CIT: variants seen among roughly 807,000 people sequenced by gnomAD.
The protein encoded by CIT is citron rho-interacting serine/threonine kinase.
A neutral mutation model predicts 272.7 loss-of-function variants in CIT; 79 were observed. That is an observed-to-expected ratio of 0.29 (90% CI 0.24 to 0.35). CIT has a LOEUF of 0.35. CIT is among the 10% of genes least tolerant of loss of function. The pLI, the probability that CIT is intolerant of heterozygous loss-of-function variation, is 1.00. For missense variants in CIT, 1,909 were observed against 2,618.3 expected (o/e 0.73, Z 5.91); for synonymous variants, 948 against 995.6 (o/e 0.95, Z 0.90).
At position 119,849,118 on chromosome 12, in the gene CIT, G is replaced by T. The variant is rs1024743283; in HGVS notation, c.516+1056C>A. Among the ~76,000 whole-genome samples the T allele has an allele frequency of 2.0e-5, 3 of 152,114 alleles. No homozygotes were observed. The East Asian group carries it at 5.8e-4, about 29-fold the overall frequency. On this transcript the variant is annotated intron_variant, in intron 5 of 47. Transcript: ENST00000392521. ...ACCATTTAACATTTCTTCCCCTAGG[G>T]AGGAGGATTAGAAAATAAAACGGAG...
intron 4 of CIT, among the ~76,000 whole-genome samples, chr12:119,851,348 A>C (rs1160001262): frequency 6.6e-6 from 1 of 152,196 alleles, no homozygotes; most frequent in Non-Finnish European, 1.5e-5. Context: ...CTGTCCACTG[A>C]AAGGGGTCTG....
intron 22 of CIT, 38 bp downstream of exon 22, chr12:119,757,333 C>T: frequency 6.2e-7 from 1 of 1,610,012 alleles, no homozygotes; most frequent in African/African-American, 1.3e-5. Context: ...CCCGAATCGC[C>T]CAGCAAATCC....
intron 5 of CIT, among the ~76,000 whole-genome samples, chr12:119,843,936 A>T (rs59467668): frequency 2.0e-5 from 3 of 152,126 alleles, no homozygotes; most frequent in Non-Finnish European, 4.4e-5. Flanking sequence ...TACCGATATA[A>T]ATCTAGGATC....
In CIT at chr12:119,710,354, G is replaced by A. The variant is rs376867257; in HGVS notation, c.4968C>T (p.Tyr1656=). Residue 1656 remains tyrosine (Y), a synonymous_variant, in exon 39 of 48, where the codon TAC becomes TAT. Transcript: ENST00000392521. This position sits in a 1 kb window ranked among gnomAD's most constrained non-coding sequence, Gnocchi z 5.6. ...GGGAGTTTTTCAAGACATTCAGGGC[G>A]TAGAGCCCTTCCTCGGTGCCCACCA... ...VVLVGTEEGL[Y]ALNVLKNSLT... The A allele has an allele frequency of 1.8e-5, 29 of 1,614,206 alleles. No individual in the cohort carries two copies. In the South Asian group the frequency reaches 2.0e-4, roughly 11 times the overall value.
chr12:119,742,513 T>C (rs1341047623), intron 23 of CIT, 49 bp from the exon 24 acceptor site: 1 of 1,410,290 alleles, frequency 7.1e-7, no homozygotes, highest in East Asian at 2.3e-5. Context: ...TAGAATACAA[T>C]TCTACATGCT....
chr12:119,708,239 G>A lies in CIT; in HGVS notation c.5151C>T (p.Pro1717=), dbSNP rs748717608. 1.1e-5 allele frequency: 17 copies of A among 1,607,156 alleles called. No homozygotes were observed. Among genetic ancestry groups the A allele is most frequent in the East Asian group, 4.5e-5 (2 of 44,196 alleles). ...CTTCAAAAATGTTGGGTGAGATGTC[G>A]GGCTGGGCAGGCAGGTGGGACTGGG... The part of the protein sequence containing the change: ...SLAQSHLPAQ[P]DISPNIFEAV... Residue 1717 remains proline, a synonymous_variant, in exon 40 of 48, where the codon CCC becomes CCT. Transcript: ENST00000392521.
chr12:119,734,270 C>G lies in CIT; in HGVS notation c.3244G>C (p.Glu1082Gln), dbSNP rs1397945347. The G allele has an allele frequency of 6.2e-7, 1 of 1,613,986 alleles. No homozygotes were observed. The highest frequency in any genetic ancestry group is 1.1e-5 in the South Asian group (1 of 91,068). ...CTCCTCCAGGCCTCCCACTGCCGCT[C>G]TTTTTCTAGCAGCTCATCGTTTAGG... ...EALNDELLEK[E>Q]RQWEAWRSVL... is the part of the protein sequence containing the mutation. Residue 1082 changes from glutamate (E) to glutamine (Q), a missense_variant, in exon 26 of 48, where the codon GAG becomes CAG. Coordinates refer to ENST00000392521, the MANE Select transcript of CIT (RefSeq NM_001206999.2).
rs1276751319 is a variant in CIT, at chr12:119,784,873, C to T, written c.1401+87G>A. The T allele has an allele frequency of 4.6e-6, 7 of 1,534,038 alleles. No homozygotes were observed. The Admixed American group carries it at 1.2e-4, about 27-fold the overall frequency. On this transcript the variant is annotated intron_variant, in intron 11 of 47. Transcript: ENST00000392521. The surrounding 1 kb of genome is among the most constrained non-coding windows in gnomAD (Gnocchi z 4.7). ...TCTCTACGGATCAGGCGGCTCAGAG[C>T]CAGCAGCGGCCCCGGGCGGATCCCT...
Position 119,712,132 on chromosome 12 carries a change from AG to A in CIT, c.4854+45del. The A allele has an allele frequency of 6.5e-7, 1 of 1,531,606 alleles. No individual in the cohort carries two copies. The highest frequency in any genetic ancestry group is 8.8e-7 in the Non-Finnish European group (1 of 1,140,028). The allele number at this position is 1,531,606 out of a possible 1,614,324, so 94.9% of individuals were successfully genotyped here. A position where few individuals can be genotyped will look rare whatever the true frequency, so the allele number is the denominator to read the frequency against. On this transcript the variant is annotated intron_variant, in intron 37 of 47. Coordinates refer to ENST00000392521, the MANE Select transcript of CIT (RefSeq NM_001206999.2). This position sits in a 1 kb window ranked among gnomAD's most constrained non-coding sequence, Gnocchi z 5.2. ...CGTCGTTAACACCAGTTACCAAGTC[AG>A]CCCCCTTTACAAAGACAACCTCCAG...
chr12:119,871,158 T>C (rs1950666439), intron 2 of CIT, among the ~76,000 whole-genome samples: 1 of 149,430 alleles, frequency 6.7e-6, no homozygotes, highest in Admixed American at 6.7e-5. Flanking sequence ...GCTATACTAC[T>C]GAAAGACCTC....
chr12:119,747,696 G>C (rs573984711), intron 23 of CIT, among the ~76,000 whole-genome samples: 67 of 152,316 alleles, frequency 4.4e-4, no homozygotes, highest in Middle Eastern at 6.8e-3. Context: ...CTCCAGCCTG[G>C]CAAGAGAGTG....
At chr12:119,723,263 G>C (rs767024998) in intron 28 of CIT, among the ~76,000 whole-genome samples, 5 of 151,994 alleles carry the variant, frequency 3.3e-5, no homozygotes, top group Non-Finnish European at 5.9e-5. Flanking sequence ...TTAATTACTA[G>C]GCAGAAACCA....
At chr12:119,838,357 GC>G (rs1340874818) in intron 5 of CIT, among the ~76,000 whole-genome samples, 1 of 152,198 alleles carries the variant, frequency 6.6e-6, no homozygotes, top group Non-Finnish European at 1.5e-5. Context: ...ACAGGTGTGA[GC>G]CACTGCGCCC....
At chr12:119,732,968 A>G (rs1958546613) in intron 26 of CIT, among the ~76,000 whole-genome samples, 1 of 152,230 alleles carries the variant, frequency 6.6e-6, no homozygotes, top group African/African-American at 2.4e-5. Flanking sequence ...ATTTCTTTCC[A>G]TCTGTGAAAT....
Position 119,710,779 on chromosome 12 carries a change from T to G in CIT, c.4855-159A>C. ...TCTTAGCTCAGCCCGTATTTTGATC[T>G]GAGCTCCAAATGCAAAATGCGAGTG... On this transcript the variant is annotated intron_variant, in intron 37 of 47. Transcript: ENST00000392521. The surrounding 1 kb of genome is among the most constrained non-coding windows in gnomAD (Gnocchi z 5.6). The G allele has an allele frequency of 1.4e-6, 1 of 738,594 alleles. No individual in the cohort carries two copies. The highest frequency in any genetic ancestry group is 2.2e-6 in the Non-Finnish European group (1 of 446,830). 45.8% of individuals were successfully genotyped at this position (738,594 alleles called of 1,614,324 possible). A position where few individuals can be genotyped will look rare whatever the true frequency, so the allele number is the denominator to read the frequency against.
At chr12:119,775,765 G>A (rs757651180) in intron 16 of CIT, 21 bp downstream of exon 16, 1 of 1,608,288 alleles carries the variant, frequency 6.2e-7, no homozygotes, top group Non-Finnish European at 8.5e-7. Context: ...GTAAGTTCCT[G>A]AAAAATCACC....
Position 119,737,114 on chromosome 12 carries a change from C to T in CIT, c.2959-1757G>A, listed in dbSNP as rs568092095. Among the ~76,000 whole-genome samples, 26 of 151,820 alleles carry T rather than the reference C, an allele frequency of 1.7e-4. No homozygotes were observed. In the South Asian group the frequency reaches 4.8e-3, roughly 28 times the overall value. On this transcript the variant is annotated intron_variant, in intron 24 of 47. Transcript: ENST00000392521. ...TGAGGTCAGGAGATCAAGACCATCCCGGCTAACACGGTGAAACCCCGTCTC... is the reference window on the plus strand; with the variant it reads ...TGAGGTCAGGAGATCAAGACCATCCTGGCTAACACGGTGAAACCCCGTCTC...
chr12:119,864,847 C>G (rs1950471048), intron 3 of CIT, among the ~76,000 whole-genome samples: 1 of 151,692 alleles, frequency 6.6e-6, no homozygotes, highest in African/African-American at 2.4e-5. Context: ...CCCAGATGCT[C>G]GTTCCCTTCC....
intron 20 of CIT, among the ~76,000 whole-genome samples, chr12:119,760,397 T>C (rs1042355993): frequency 1.3e-5 from 2 of 151,864 alleles, no homozygotes; most frequent in African/African-American, 4.8e-5. Context: ...GAGACCAAGA[T>C]GGGAGGATTG....
Sources: allele counts gnomAD v4.1 joint callset (sites outside exome capture counted in the v4.1 genomes callset), GRCh38; gene constraint gnomAD v4.1.1; non-coding constraint Gnocchi (gnomAD v3.1); transcripts MANE v1.5; gene names NCBI Gene and HGNC (gene_info 2026-07-23, HGNC 2026-07-21).